Variants in CERT1 observed in about 807,000 individuals in gnomAD.
The protein encoded by CERT1 is ceramide transporter 1.
In CERT1, 31 loss-of-function variants were observed where a neutral mutation model predicts 87.9. The observed-to-expected ratio is 0.35, with a 90% CI of 0.27 to 0.48. The LOEUF is 0.48. Ranked by LOEUF, CERT1 falls within the 20% of genes least tolerant of loss-of-function variation. The probability of loss-of-function intolerance (pLI) is 0.99; values close to 1 mark genes in which losing one functional copy is unlikely to be tolerated. For missense variants in CERT1, 487 were observed against 758.0 expected, an observed-to-expected ratio of 0.64 and a Z score of 4.20; for synonymous variants, 289 against 250.9, an observed-to-expected ratio of 1.15 and a Z score of -1.44.
At chr5:75,379,978 C>A (rs1761498276) in intron 16 of CERT1, among the ~76,000 whole-genome samples, 1 of 152,168 alleles carries the variant, frequency 6.6e-6, no homozygotes, top group African/African-American at 2.4e-5. Flanking sequence ...TATAACCTTT[C>A]TACAATGTTC....
Position 75,381,977 on chromosome 5 carries a change from T to C in CERT1, c.1589A>G (p.Asn530Ser). Residue 530 changes from asparagine (N) to serine (S), a missense_variant, in exon 15 of 17, where the codon AAT becomes AGT. Transcript: ENST00000643780. ...AGCACTGTCATGATCCACAGAAAAA[T>C]TACAAACTATCCAAGTTTCAGGGTC... Reference protein sequence around the residue: ...ENDPETWIVCNFSVDHDSAPL... With the variant: ...ENDPETWIVCSFSVDHDSAPL... The C allele has an allele frequency of 6.2e-7, 1 of 1,613,682 alleles. No individual in the cohort carries two copies. The highest frequency in any genetic ancestry group is 8.5e-7 in the Non-Finnish European group (1 of 1,179,866).
At chr5:75,425,264 A>G (rs1244377282) in intron 5 of CERT1, 97 bp downstream of exon 5, 1 of 1,228,962 alleles carries the variant, frequency 8.1e-7, no homozygotes, top group South Asian at 1.6e-5. Context: ...AAATGACTAT[A>G]AACACCTTTA....
upstream of CERT1, chr5:75,511,679 C>G: frequency 6.5e-7 from 1 of 1,530,742 alleles, no homozygotes. Flanking sequence ...CCCATTCTCC[C>G]CCACTACTCC....
chr5:75,448,533 T>C (rs1764645994), intron 3 of CERT1, among the ~76,000 whole-genome samples: 1 of 152,190 alleles, frequency 6.6e-6, no homozygotes, highest in African/African-American at 2.4e-5. Flanking sequence ...ATTAAAAAGA[T>C]TTGATGAAAA....
At chr5:75,426,149 T>A (rs1167923928) in intron 4 of CERT1, among the ~76,000 whole-genome samples, 5 of 152,342 alleles carry the variant, frequency 3.3e-5, no homozygotes, top group Non-Finnish European at 2.9e-5. Flanking sequence ...CCAGTTTTTT[T>A]ATATTTTACC....
intron 5 of CERT1, among the ~76,000 whole-genome samples, chr5:75,423,332 CT>C (rs1356946543): frequency 6.6e-6 from 1 of 151,542 alleles, no homozygotes; most frequent in East Asian, 1.9e-4. Context: ...AAAAGGTATA[CT>C]TTTTTAATGA....
At chr5:75,479,292 T>C (rs1276767458) in intron 2 of CERT1, among the ~76,000 whole-genome samples, 1 of 150,860 alleles carries the variant, frequency 6.6e-6, no homozygotes, top group Non-Finnish European at 1.5e-5. Flanking sequence ...TTTTACAGTC[T>C]TTTTTTTTAA....
chr5:75,505,941 C>G, intron 2 of CERT1, 41 bp downstream of exon 2: 1 of 1,527,700 alleles, frequency 6.5e-7, no homozygotes, highest in East Asian at 2.3e-5. Flanking sequence ...GTAGCTGACA[C>G]TCAATAAATA....
chr5:75,380,513 G>A (rs111616616), intron 16 of CERT1, among the ~76,000 whole-genome samples: 1 of 152,132 alleles, frequency 6.6e-6, no homozygotes, highest in African/African-American at 2.4e-5. Flanking sequence ...GCTAGGTCGA[G>A]CGCAGTGGCT....
intron 12 of CERT1, among the ~76,000 whole-genome samples, chr5:75,386,337 A>G (rs569403394): frequency 6.6e-6 from 1 of 152,346 alleles, no homozygotes; most frequent in Admixed American, 6.5e-5. Flanking sequence ...AGACTGTTTA[A>G]CATGGCTAAG....
downstream of CERT1, chr5:75,376,238 T>C (rs1387016113): frequency 6.6e-6 from 1 of 152,236 alleles, no homozygotes. Flanking sequence ...ATTGAGAGCA[T>C]GTTTTACACA....
At chr5:75,437,153 G>A (rs902401698) in intron 3 of CERT1, among the ~76,000 whole-genome samples, 1 of 152,012 alleles carries the variant, frequency 6.6e-6, no homozygotes, top group Admixed American at 6.6e-5. Context: ...CTTAAACAGA[G>A]CAAGTCAAAA....
downstream of CERT1, chr5:75,374,695 G>A: frequency 3.3e-6 from 2 of 608,776 alleles, no homozygotes; most frequent in South Asian, 1.4e-5. Flanking sequence ...TGTGAGTTGT[G>A]CAACTCACAA....
intron 2 of CERT1, among the ~76,000 whole-genome samples, chr5:75,467,665 A>T (rs2112342143): frequency 6.6e-6 from 1 of 151,826 alleles, no homozygotes; most frequent in South Asian, 2.1e-4. Flanking sequence ...AAAAAAAAAA[A>T]AAGTAGCATA....
intron 2 of CERT1, among the ~76,000 whole-genome samples, chr5:75,462,574 C>G (rs528451943): frequency 1.7e-4 from 26 of 151,886 alleles, no homozygotes; most frequent in Non-Finnish European, 3.4e-4. Flanking sequence ...GGTTTGAGGA[C>G]CCCCGATCTA....
intron 1 of CERT1, among the ~76,000 whole-genome samples, chr5:75,508,914 C>T (rs1336081572): frequency 6.6e-6 from 1 of 151,934 alleles, no homozygotes. Flanking sequence ...ATTATTTTAT[C>T]CAGGCTTAGG....
In CERT1 at chr5:75,511,236, G is replaced by A. The variant is rs766659631; in HGVS notation, c.-29C>T. ...GGCTCGACAACCGAGCAGGAGACCG[G>A]CCCCCGCTCCCTCAGCTGCGCCGGA... On this transcript the variant is annotated 5_prime_UTR_variant, in exon 1 of 17. Coordinates refer to ENST00000643780, the MANE Select transcript of CERT1 (RefSeq NM_001379029.1). The A allele has an allele frequency of 6.8e-6, 11 of 1,609,966 alleles. No individual in the cohort carries two copies. The highest frequency in any genetic ancestry group is 1.7e-5 in the Admixed American group (1 of 59,540).
intron 2 of CERT1, among the ~76,000 whole-genome samples, chr5:75,493,455 T>C (rs992027019): frequency 6.6e-5 from 10 of 152,358 alleles, no homozygotes; most frequent in Non-Finnish European, 1.0e-4. Context: ...ATATAATTCA[T>C]TGTCGAAAAT....
downstream of CERT1, chr5:75,375,106 A>C (rs1471343208): frequency 6.0e-6 from 1 of 167,920 alleles, no homozygotes; most frequent in Non-Finnish European, 1.3e-5. Context: ...GAGCAGAGGT[A>C]ATCAGTGAAA....
Sources: gnomAD v4.1 joint callset for allele counts (sites outside exome capture counted in the v4.1 genomes callset) on GRCh38, gnomAD v4.1.1 for gene constraint, MANE v1.5 for transcripts, NCBI Gene and HGNC (gene_info 2026-07-23, HGNC 2026-07-21) for gene names.